Variants in C3orf70 observed in about 807,000 individuals in gnomAD.
C3orf70 encodes chromosome 3 open reading frame 70, also known as UPF0524 protein C3orf70.
Under a neutral mutation model 20.7 loss-of-function variants are expected in C3orf70, and 15 were observed. The ratio of observed to expected loss-of-function variants is 0.72; its 90% CI spans 0.48 to 1.11. The LOEUF (loss-of-function observed/expected upper bound fraction) is 1.11, where lower values mean the gene tolerates loss of function less well. C3orf70 is among the 50% of genes most tolerant of loss of function. C3orf70 has a pLI of 0.00. For synonymous variants in C3orf70, 161 were observed against 125.7 expected (o/e 1.28, Z -1.88); for missense variants, 332 against 317.6 (o/e 1.05, Z -0.34).
intron 1 of C3orf70, among the ~76,000 whole-genome samples, chr3:185,144,703 C>T (rs139477864): frequency 0.023 from 2,549 of 108,946 alleles, 74 homozygotes; most frequent in African/African-American, 0.084. Flanking sequence ...AACTCCTGAC[C>T]TCAGGTGATC....
chr3:185,129,050 T>G (rs1716474930), intron 1 of C3orf70, among the ~76,000 whole-genome samples: 1 of 152,208 alleles, frequency 6.6e-6, no homozygotes, highest in African/African-American at 2.4e-5. Flanking sequence ...TTTTAAATTA[T>G]TATTTTTTTC....
Position 185,152,693 on chromosome 3 carries a change from C to T in C3orf70, c.131G>A (p.Cys44Tyr). 6.3e-7 allele frequency: 1 copy of T among 1,594,204 alleles called. No individual in the cohort carries two copies. ...GCACTTGCCATGGCTGTGCGTGGCA[C>T]AGATAGACAGCCCGTCGCACGGCTG... ...DFQPCDGLSI[C>Y]ATHSHGKCFK... The change falls in exon 1 of 2, where the codon TGT (cysteine) becomes TAT (tyrosine). Residue 44 changes from cysteine (C) to tyrosine (Y), a missense_variant. Physicochemically the swap from Cys to Tyr is radical, Grantham distance 194. Coordinates refer to ENST00000335012, the MANE Select transcript of C3orf70 (RefSeq NM_001025266.3).
At chr3:185,130,234 A>G (rs1478875119) in intron 1 of C3orf70, among the ~76,000 whole-genome samples, 1 of 152,122 alleles carries the variant, frequency 6.6e-6, no homozygotes, top group Admixed American at 6.5e-5. Context: ...GCGGATCACA[A>G]GGTCAGGAGT....
chr3:185,104,234 GC>G (rs1655148166), intron 1 of C3orf70, among the ~76,000 whole-genome samples: 1 of 152,320 alleles, frequency 6.6e-6, no homozygotes, highest in East Asian at 1.9e-4. Context: ...GAGATGATGA[GC>G]TTGGGTAACA....
intron 1 of C3orf70, among the ~76,000 whole-genome samples, chr3:185,102,334 C>G (rs1715839619): frequency 6.6e-6 from 1 of 151,876 alleles, no homozygotes; most frequent in Non-Finnish European, 1.5e-5. Flanking sequence ...AAAAATTAAC[C>G]AGGAATATAG....
chr3:185,109,454 C>CT (rs1716016512), intron 1 of C3orf70, among the ~76,000 whole-genome samples: 1 of 152,142 alleles, frequency 6.6e-6, no homozygotes, highest in Admixed American at 6.6e-5. Context: ...AAGGACCCCC[C>CT]GGTTGCAGCC....
intron 1 of C3orf70, among the ~76,000 whole-genome samples, chr3:185,143,908 T>C (rs1165450736): frequency 6.6e-6 from 1 of 152,004 alleles, no homozygotes; most frequent in Non-Finnish European, 1.5e-5. Flanking sequence ...GAGCTGTCCA[T>C]TGCTTAACAA....
chr3:185,096,014 C>T (rs760090161), intron 1 of C3orf70, among the ~76,000 whole-genome samples: 28 of 152,078 alleles, frequency 1.8e-4, no homozygotes, highest in African/African-American at 4.3e-4. Context: ...GGATTACAGG[C>T]GTGAACCACC....
rs1715370512 is a variant in C3orf70, at chr3:185,082,711, C to G, written c.*296G>C. 1 of 335,204 alleles carries G rather than the reference C, an allele frequency of 3.0e-6. No homozygotes were observed. Among genetic ancestry groups the G allele is most frequent in the Admixed American group, 4.5e-5 (1 of 22,166 alleles). The allele number at this position is 335,204 out of a possible 1,614,324, so 20.8% of individuals were successfully genotyped here. ...AATCTGATCCAAGATTCTCTGCGACCATCACTTCACCGCCTTCAAATCTCC... is the reference window on the plus strand; with the variant it reads ...AATCTGATCCAAGATTCTCTGCGACGATCACTTCACCGCCTTCAAATCTCC... On this transcript the variant is annotated 3_prime_UTR_variant, in exon 2 of 2. Coordinates refer to ENST00000335012, the MANE Select transcript of C3orf70 (RefSeq NM_001025266.3).
At chr3:185,126,585 G>A (rs953128635) in intron 1 of C3orf70, among the ~76,000 whole-genome samples, 2 of 152,144 alleles carry the variant, frequency 1.3e-5, no homozygotes, top group Non-Finnish European at 2.9e-5. Flanking sequence ...ACTCAAAATG[G>A]ACTTCCGACT....
At chr3:185,097,453 G>A (rs9836669) in intron 1 of C3orf70, among the ~76,000 whole-genome samples, 114 of 152,060 alleles carry the variant, frequency 7.5e-4, no homozygotes, top group African/African-American at 2.7e-3. Context: ...TTGATTATTC[G>A]CCCCCAAAGG....
intron 1 of C3orf70, among the ~76,000 whole-genome samples, chr3:185,092,920 G>A (rs1374931665): frequency 6.6e-6 from 1 of 151,238 alleles, no homozygotes; most frequent in Non-Finnish European, 1.5e-5. Flanking sequence ...GAACCCGTAA[G>A]GTGGAGGTTG....
rs554195715 is a variant in C3orf70, at chr3:185,148,111, T to C, written c.196+4517A>G. Among the ~76,000 whole-genome samples, 3 of 152,366 alleles carry C rather than the reference T, an allele frequency of 2.0e-5. No homozygotes were observed. The East Asian group carries it at 5.8e-4, about 29-fold the overall frequency. ...CTGGTGTTGTAAAGGGAAAGCTTAA[T>C]GGTTTTCTTTACTTCTCACGCTACA... On this transcript the variant is annotated intron_variant, in intron 1 of 1. Coordinates refer to ENST00000335012, the MANE Select transcript of C3orf70 (RefSeq NM_001025266.3).
rs539792701 is a variant in C3orf70, at chr3:185,113,364, T to A, written c.197-29801A>T. On this transcript the variant is annotated intron_variant, in intron 1 of 1. Coordinates refer to ENST00000335012, the MANE Select transcript of C3orf70 (RefSeq NM_001025266.3). ...GTAAAGAACTAACTGTGCCATACCT[T>A]TTCTGGATAGAATTCTAAGAATAGA... 1.6e-3 allele frequency among the ~76,000 whole-genome samples: 247 copies of A among 152,162 alleles called. 1 individual carries two copies. The highest frequency in any genetic ancestry group is 5.5e-3 in the African/African-American group (230 of 41,532).
chr3:185,110,386 T>G (rs1325898905), intron 1 of C3orf70, among the ~76,000 whole-genome samples: 3 of 152,228 alleles, frequency 2.0e-5, no homozygotes, highest in Admixed American at 6.5e-5. Flanking sequence ...ACTTGGAAGC[T>G]CTGTGATTTC....
intron 1 of C3orf70, among the ~76,000 whole-genome samples, chr3:185,137,798 A>T (rs1443933551): frequency 2.0e-5 from 3 of 152,206 alleles, no homozygotes; most frequent in African/African-American, 7.2e-5. Flanking sequence ...GAAAGAATAA[A>T]AGCCTCAAAT....
intron 1 of C3orf70, among the ~76,000 whole-genome samples, chr3:185,115,036 T>C (rs1716147255): frequency 6.6e-6 from 1 of 152,200 alleles, no homozygotes; most frequent in Non-Finnish European, 1.5e-5. Flanking sequence ...ATTCTCAATC[T>C]TGGGTGTGCA....
intron 1 of C3orf70, among the ~76,000 whole-genome samples, chr3:185,098,817 G>A (rs921988202): frequency 6.6e-6 from 1 of 152,150 alleles, no homozygotes; most frequent in Non-Finnish European, 1.5e-5. Flanking sequence ...CATCCAAACA[G>A]TTGAAGGCCT....
chr3:185,103,076 C>G (rs1446769503), intron 1 of C3orf70, among the ~76,000 whole-genome samples: 2 of 152,068 alleles, frequency 1.3e-5, no homozygotes, highest in African/African-American at 4.8e-5. Flanking sequence ...GAAACCCCAT[C>G]TCTACTAAAA....
Sources: allele counts gnomAD v4.1 joint callset (sites outside exome capture counted in the v4.1 genomes callset), GRCh38; gene constraint gnomAD v4.1.1; transcripts MANE v1.5; gene names NCBI Gene and HGNC (gene_info 2026-07-23, HGNC 2026-07-21).